The following NRXN3 variants were observed in gnomAD, a reference collection of about 807,000 sequenced individuals.
The protein encoded by NRXN3 is neurexin III.
Under a neutral mutation model 137.6 loss-of-function variants are expected in NRXN3, and 32 were observed. The observed-to-expected ratio is 0.23, with a 90% CI of 0.18 to 0.31. The LOEUF (loss-of-function observed/expected upper bound fraction) is 0.31. NRXN3 is among the 10% of genes least tolerant of loss of function. NRXN3 has a pLI of 1.00. For synonymous variants in NRXN3, 798 were observed against 784.5 expected (o/e 1.02, Z -0.29); for missense variants, 1,574 against 2,062.5 (o/e 0.76, Z 4.59).
intron 8 of NRXN3, among the ~76,000 whole-genome samples, chr14:78,780,568 T>G (rs919821325): frequency 6.6e-6 from 1 of 152,124 alleles, no homozygotes; most frequent in Non-Finnish European, 1.5e-5. Flanking sequence ...GGATTGGTAT[T>G]CTAAATTGTA....
chr14:79,696,286 T>A (rs532889337), intron 18 of NRXN3, among the ~76,000 whole-genome samples: 1 of 151,988 alleles, frequency 6.6e-6, no homozygotes, highest in East Asian at 1.9e-4. Context: ...AAAAGCTTTA[T>A]AATTTTGTTA....
intron 10 of NRXN3, among the ~76,000 whole-genome samples, chr14:78,898,297 T>G (rs17835842): frequency 0.1 from 15,695 of 151,950 alleles, 1,120 homozygotes; most frequent in Non-Finnish European, 0.14. Flanking sequence ...ATTGGGTGTT[T>G]TAATATCTAG....
At chr14:79,530,451 T>A (rs926308542) in intron 16 of NRXN3, among the ~76,000 whole-genome samples, 2 of 152,128 alleles carry the variant, frequency 1.3e-5, no homozygotes, top group African/African-American at 2.4e-5. Context: ...CAGGAGACTA[T>A]GAAAGATGCT....
intron 10 of NRXN3, among the ~76,000 whole-genome samples, chr14:78,895,384 C>G (rs2099170474): frequency 6.6e-6 from 1 of 151,808 alleles, no homozygotes; most frequent in Admixed American, 6.6e-5. Context: ...TAGCTTTAAA[C>G]TTTTTTCTGC....
chr14:78,727,271 G>C (rs1444238549), intron 8 of NRXN3, among the ~76,000 whole-genome samples: 7 of 152,170 alleles, frequency 4.6e-5, no homozygotes, highest in Non-Finnish European at 8.8e-5. Flanking sequence ...CTTCACAGGG[G>C]TCTTTGTGAA....
chr14:79,220,973 A>G lies in NRXN3; in HGVS notation c.3262+232832A>G, dbSNP rs559771996. On this transcript the variant is annotated intron_variant, in intron 15 of 20. Transcript: ENST00000335750. The stretch of plus-strand genomic sequence containing the variant: ...CTGTGTCCATGTGTTTTCATTGTTC[A>G]CCTCCCACTTACAAGTGAGAACATG... Among the ~76,000 whole-genome samples, 134 of 147,884 alleles carry G rather than the reference A, an allele frequency of 9.1e-4. 1 individual carries two copies. In the Middle Eastern group the frequency reaches 0.017, roughly 19 times the overall value.
chr14:79,428,699 G>A (rs994173941), intron 15 of NRXN3, among the ~76,000 whole-genome samples: 5 of 152,038 alleles, frequency 3.3e-5, no homozygotes, highest in African/African-American at 1.2e-4. Flanking sequence ...TTTTTCCTAA[G>A]TTGTGGAAAA....
intron 10 of NRXN3, among the ~76,000 whole-genome samples, chr14:78,896,188 A>G (rs1407689471): frequency 6.6e-6 from 1 of 151,922 alleles, no homozygotes; most frequent in Admixed American, 6.6e-5. Context: ...TGCTTGTGAT[A>G]GGTTTCTCTC....
At chr14:79,259,080 C>G (rs1248048830) in intron 15 of NRXN3, among the ~76,000 whole-genome samples, 5 of 151,922 alleles carry the variant, frequency 3.3e-5, no homozygotes. Context: ...CAGGTTGAGA[C>G]ACTTGCAAAA....
intron 4 of NRXN3, among the ~76,000 whole-genome samples, chr14:78,299,716 A>T (rs1427180607): frequency 1.3e-5 from 2 of 152,178 alleles, no homozygotes; most frequent in Non-Finnish European, 2.9e-5. Context: ...ACTGGTATGA[A>T]AAACATTTGG....
chr14:78,435,552 A>G (rs1038234535), intron 4 of NRXN3, among the ~76,000 whole-genome samples: 1 of 152,176 alleles, frequency 6.6e-6, no homozygotes, highest in African/African-American at 2.4e-5. Context: ...TTATTTTCCT[A>G]GGATGTACTT....
intron 4 of NRXN3, among the ~76,000 whole-genome samples, chr14:78,430,412 C>G (rs1160952296): frequency 6.6e-6 from 1 of 152,182 alleles, no homozygotes; most frequent in African/African-American, 2.4e-5. Context: ...TTCCACCAGT[C>G]TGGCTAAAAC....
chr14:79,537,340 T>G (rs2097221470), intron 16 of NRXN3, among the ~76,000 whole-genome samples: 1 of 152,128 alleles, frequency 6.6e-6, no homozygotes, highest in Non-Finnish European at 1.5e-5. Flanking sequence ...GTGCCCAACG[T>G]GCAGGTTAGT....
intron 2 of NRXN3, among the ~76,000 whole-genome samples, chr14:78,274,678 T>C (rs2073318918): frequency 1.3e-5 from 2 of 152,216 alleles, no homozygotes; most frequent in African/African-American, 4.8e-5. Context: ...ATGCAGTAAG[T>C]GTCCATGGGA....
rs372913477 is a variant in NRXN3, at chr14:78,709,288, A to G, written c.1293A>G (p.Lys431=). 2 of 1,613,988 alleles carry G rather than the reference A, an allele frequency of 1.2e-6. No individual in the cohort carries two copies. The highest frequency in any genetic ancestry group is 1.7e-6 in the Non-Finnish European group (2 of 1,180,012). The change falls in exon 7 of 21, where the codon AAA becomes AAG. Residue 431 remains lysine, a synonymous_variant. Transcript: ENST00000335750. ...RLARIADTKM[K]IYGEVVFKCE... is the part of the protein sequence containing the mutation. ...CCCGGATTGCGGACACCAAGATGAA[A>G]ATCTATGGCGAAGTTGTGTTTAAGT...
chr14:78,465,780 G>T (rs778606299), intron 4 of NRXN3, among the ~76,000 whole-genome samples: 2 of 150,656 alleles, frequency 1.3e-5, no homozygotes, highest in Non-Finnish European at 3.0e-5. Context: ...TGATCTGCCC[G>T]CCTCGGCTTC....
At chr14:78,457,594 C>A (rs1320864839) in intron 4 of NRXN3, among the ~76,000 whole-genome samples, 2 of 152,124 alleles carry the variant, frequency 1.3e-5, no homozygotes, top group East Asian at 3.9e-4. Context: ...AAGAACATTG[C>A]ACTGAGAATT....
intron 10 of NRXN3, among the ~76,000 whole-genome samples, chr14:78,951,915 A>T (rs2099387907): frequency 6.6e-6 from 1 of 152,174 alleles, no homozygotes; most frequent in African/African-American, 2.4e-5. Context: ...TCCATCGTTG[A>T]ACTTGTTATA....
chr14:79,864,802 A>T lies in NRXN3; in HGVS notation c.*2838A>T, dbSNP rs1211694958. 3 of 151,324 alleles carry T rather than the reference A, an allele frequency of 2.0e-5. No homozygotes were observed. The highest frequency in any genetic ancestry group is 4.4e-5 in the Non-Finnish European group (3 of 67,928). The allele number at this position is 151,324 out of a possible 1,614,324, so 9.4% of individuals were successfully genotyped here. A position where few individuals can be genotyped will look rare whatever the true frequency, so the allele number is the denominator to read the frequency against. On this transcript the variant is annotated 3_prime_UTR_variant, in exon 21 of 21. Transcript: ENST00000335750. ...AGTCTCGCTCTGTCGCCCGGGCTGG[A>T]GTGCAGTGGCACGATCTCGGCTCAC...
Sources: allele counts gnomAD v4.1 joint callset (sites outside exome capture counted in the v4.1 genomes callset), GRCh38; gene constraint gnomAD v4.1.1; transcripts MANE v1.5; gene names NCBI Gene and HGNC (gene_info 2026-07-23, HGNC 2026-07-21).